EPB41L4A: variants seen among roughly 807,000 people sequenced by gnomAD.
EPB41L4A encodes erythrocyte membrane protein band 4.1 like 4A.
EPB41L4A carries 100 observed loss-of-function variants against 108.6 expected under a neutral mutation model. The observed-to-expected ratio is 0.92, with a 90% CI of 0.78 to 1.09. EPB41L4A has a LOEUF of 1.09. EPB41L4A is among the 50% of genes least tolerant of loss of function. The pLI is 0.00. For synonymous variants in EPB41L4A, 319 were observed against 289.0 expected (o/e 1.10, Z -1.05); for missense variants, 1,030 against 842.7 (o/e 1.22, Z -2.75).
At chr5:112,351,380 A>C (rs1758031687) in intron 1 of EPB41L4A, among the ~76,000 whole-genome samples, 2 of 152,318 alleles carry the variant, frequency 1.3e-5, no homozygotes, top group South Asian at 4.1e-4. Flanking sequence ...GAACTGGATA[A>C]ATTCCTGGAC....
intron 12 of EPB41L4A, among the ~76,000 whole-genome samples, chr5:112,148,179 AATAAT>A (rs1428351114): frequency 8.2e-5 from 12 of 145,954 alleles, no homozygotes; most frequent in Non-Finnish European, 1.4e-4. Context: ...TATATAATAT[AATAAT>A]ATAATAGTAT....
rs527864351 is a variant in EPB41L4A at position 112,216,522 on chromosome 5, T to G, written c.1088-6540A>C. On this transcript the variant is annotated intron_variant, in intron 12 of 22. Coordinates refer to ENST00000261486, the MANE Select transcript of EPB41L4A (RefSeq NM_022140.5). ...AGTAAAACAAGGTTGTGACATACAC[T>G]TTCTTTTAAAAATTCTCAAATATAA... Among the ~76,000 whole-genome samples the G allele has an allele frequency of 2.0e-5, 3 of 152,314 alleles. No homozygotes were observed. The Middle Eastern group carries it at 0.01, about 518-fold the overall frequency.
intron 9 of EPB41L4A, among the ~76,000 whole-genome samples, chr5:112,242,894 T>C (rs4958021): frequency 0.26 from 39,933 of 151,848 alleles, 5,751 homozygotes; most frequent in African/African-American, 0.37. Context: ...TTCTGAGCAG[T>C]AGATATCAAC....
intron 1 of EPB41L4A, among the ~76,000 whole-genome samples, chr5:112,413,694 G>C (rs1762540440): frequency 6.6e-6 from 1 of 152,220 alleles, no homozygotes; most frequent in African/African-American, 2.4e-5. Context: ...TGGGACACTT[G>C]ATTCAAGGAT....
downstream of EPB41L4A, chr5:112,162,606 A>G (rs1291208411): frequency 6.6e-6 from 1 of 152,242 alleles, no homozygotes; most frequent in Non-Finnish European, 1.5e-5. Flanking sequence ...TTTGCAGGAA[A>G]CGACAAATAA....
chr5:112,305,916 A>G (rs1191128032), intron 2 of EPB41L4A, among the ~76,000 whole-genome samples: 6 of 152,146 alleles, frequency 3.9e-5, no homozygotes, highest in Admixed American at 3.9e-4. Flanking sequence ...AAGTAAGAGG[A>G]AAAAAATGTT....
intron 1 of EPB41L4A, among the ~76,000 whole-genome samples, chr5:112,400,573 CTT>C (rs1311613114): frequency 6.6e-6 from 1 of 152,096 alleles, no homozygotes; most frequent in Non-Finnish European, 1.5e-5. Flanking sequence ...GTGCCACACA[CTT>C]TTAAATGACC....
intron 2 of EPB41L4A, among the ~76,000 whole-genome samples, chr5:112,291,910 G>T (rs943189431): frequency 2.0e-5 from 3 of 152,188 alleles, no homozygotes; most frequent in Non-Finnish European, 4.4e-5. Flanking sequence ...CAAAGAGAAG[G>T]TCATGGGAAC....
intron 9 of EPB41L4A, among the ~76,000 whole-genome samples, 175 bp from the exon 10 acceptor site, chr5:112,240,985 C>T (rs994868115): frequency 6.6e-6 from 1 of 152,088 alleles, no homozygotes. Context: ...AATCACCTTC[C>T]ATCGATTAAA....
chr5:112,247,309 T>C (rs1316551823), intron 9 of EPB41L4A, among the ~76,000 whole-genome samples: 2 of 152,162 alleles, frequency 1.3e-5, no homozygotes, highest in Admixed American at 1.3e-4. Context: ...GTACAAGTTA[T>C]TCATTTAAAA....
At chr5:112,369,709 G>C (rs1254487012) in intron 1 of EPB41L4A, among the ~76,000 whole-genome samples, 1 of 152,214 alleles carries the variant, frequency 6.6e-6, no homozygotes, top group African/African-American at 2.4e-5. Flanking sequence ...GAGGAACTTG[G>C]TGAGGGAGGT....
chr5:112,419,854 A>T (rs1762988835), upstream of EPB41L4A: 1 of 456,618 alleles, frequency 2.2e-6, no homozygotes, highest in African/African-American at 2.0e-5. Flanking sequence ...GCCAAGTTCA[A>T]GCTCTCCCTC....
intron 9 of EPB41L4A, among the ~76,000 whole-genome samples, chr5:112,258,663 T>C (rs1751281511): frequency 6.6e-6 from 1 of 152,162 alleles, no homozygotes; most frequent in African/African-American, 2.4e-5. Flanking sequence ...TGAAAGCACA[T>C]CCAGGCACTG....
At chr5:112,313,448 G>A (rs1272116880) in intron 1 of EPB41L4A, among the ~76,000 whole-genome samples, 1 of 152,108 alleles carries the variant, frequency 6.6e-6, no homozygotes, top group African/African-American at 2.4e-5. Flanking sequence ...AAACTTAGCT[G>A]GGCGTAGTGG....
At chr5:112,273,575 T>C (rs921298780) in intron 4 of EPB41L4A, among the ~76,000 whole-genome samples, 2 of 152,186 alleles carry the variant, frequency 1.3e-5, no homozygotes, top group African/African-American at 4.8e-5. Context: ...TCATCAAACA[T>C]AGTACGAGAC....
At chr5:112,154,237 C>T (rs1209702656) in intron 12 of EPB41L4A, among the ~76,000 whole-genome samples, 1 of 152,174 alleles carries the variant, frequency 6.6e-6, no homozygotes, top group East Asian at 1.9e-4. Flanking sequence ...CTCCAGTTCA[C>T]CTGACTCATA....
intron 1 of EPB41L4A, among the ~76,000 whole-genome samples, chr5:112,346,215 C>CTTTTTTTTTTTTTTTT (rs1479210695): frequency 6.5e-4 from 32 of 49,046 alleles, no homozygotes; most frequent in African/African-American, 1.4e-3. Flanking sequence ...AGGTACATTG[C>CTTTTTTTTTTTTTTTT]ATTTTTTTTT....
At chr5:112,314,770 G>A (rs1051023636) in intron 1 of EPB41L4A, among the ~76,000 whole-genome samples, 1 of 151,124 alleles carries the variant, frequency 6.6e-6, no homozygotes, top group African/African-American at 2.5e-5. Flanking sequence ...TCCAGCCTGG[G>A]TGACGGAGCA....
chr5:112,379,223 T>C (rs1455425328), intron 1 of EPB41L4A, among the ~76,000 whole-genome samples: 1 of 152,144 alleles, frequency 6.6e-6, no homozygotes, highest in Non-Finnish European at 1.5e-5. Context: ...TGCTTAAAAT[T>C]AATAACTGCA....
Sources: gnomAD v4.1 joint callset for allele counts (sites outside exome capture counted in the v4.1 genomes callset) on GRCh38, gnomAD v4.1.1 for gene constraint, MANE v1.5 for transcripts, NCBI Gene and HGNC (gene_info 2026-07-23, HGNC 2026-07-21) for gene names.